The following HCN1 variants were observed in gnomAD, a reference collection of about 807,000 sequenced individuals.
The protein encoded by HCN1 is hyperpolarization activated cyclic nucleotide gated potassium channel 1, also known as potassium/sodium hyperpolarization-activated cyclic nucleotide-gated channel 1.
In HCN1, 13 loss-of-function variants were observed where a neutral mutation model predicts 78.9. That is an observed-to-expected ratio of 0.16 (90% confidence interval 0.11 to 0.26). The LOEUF is 0.26. Among genes scored for constraint, HCN1 ranks in the 10% least tolerant of loss-of-function variants. The pLI, the probability that HCN1 is intolerant of heterozygous loss-of-function variation, is 1.00. For synonymous variants in HCN1, 552 were observed against 455.5 expected (o/e 1.21, Z -2.70); for missense variants, 810 against 1,154.3 (o/e 0.70, Z 4.32).
chr5:45,442,020 TTGTC>T (rs1178475184), intron 3 of HCN1, among the ~76,000 whole-genome samples: 3 of 152,186 alleles, frequency 2.0e-5, no homozygotes, highest in African/African-American at 4.8e-5. Flanking sequence ...TGTCTGTTGT[TTGTC>T]TGTTGTGTCC....
rs531737228 is a variant in HCN1, at chr5:45,314,192, C to G, written c.1378-10353G>C. Among the ~76,000 whole-genome samples the G allele has an allele frequency of 1.5e-3, 229 of 152,250 alleles. 1 individual carries two copies. The highest frequency in any genetic ancestry group is 5.3e-3 in the African/African-American group (222 of 41,550). ...GGCAGAAACTCTACAAGCCAGAAGACAGTGAAGGCCCATATTCAACATTCT... is the reference window on the plus strand; with the variant it reads ...GGCAGAAACTCTACAAGCCAGAAGAGAGTGAAGGCCCATATTCAACATTCT... On this transcript the variant is annotated intron_variant, in intron 5 of 7. Coordinates refer to ENST00000303230, the MANE Select transcript of HCN1 (RefSeq NM_021072.4).
chr5:45,676,847 A>G (rs1580044826), intron 1 of HCN1, among the ~76,000 whole-genome samples: 2 of 151,936 alleles, frequency 1.3e-5, no homozygotes, highest in East Asian at 3.9e-4. Flanking sequence ...AGAAATGGAC[A>G]TGCAGTATTA....
chr5:45,315,526 C>T (rs1208710400), intron 5 of HCN1, among the ~76,000 whole-genome samples: 2 of 152,084 alleles, frequency 1.3e-5, no homozygotes, highest in African/African-American at 4.8e-5. Context: ...AGAGCAAACA[C>T]ATTCAAAAGC....
intron 2 of HCN1, among the ~76,000 whole-genome samples, chr5:45,549,960 A>C (rs1743329432): frequency 6.6e-6 from 1 of 152,212 alleles, no homozygotes; most frequent in Non-Finnish European, 1.5e-5. Context: ...ACCATCTCAC[A>C]CCAGTTAGAA....
chr5:45,282,376 TATTA>T (rs1162568488), intron 6 of HCN1, among the ~76,000 whole-genome samples: 3 of 152,198 alleles, frequency 2.0e-5, no homozygotes, highest in African/African-American at 4.8e-5. Flanking sequence ...CATTGAAAAG[TATTA>T]ATTCAAATTA....
intron 1 of HCN1, among the ~76,000 whole-genome samples, chr5:45,655,096 T>C (rs1745741337): frequency 6.6e-6 from 1 of 152,160 alleles, no homozygotes; most frequent in South Asian, 2.1e-4. Flanking sequence ...ATCAAACACG[T>C]AACTGTGCCC....
chr5:45,674,313 C>T (rs979092735), intron 1 of HCN1, among the ~76,000 whole-genome samples: 12 of 151,188 alleles, frequency 7.9e-5, no homozygotes, highest in Non-Finnish European at 1.6e-4. Context: ...TTTTAAGTGC[C>T]ACAGAACTCT....
At chr5:45,369,769 T>C (rs913379240) in intron 4 of HCN1, among the ~76,000 whole-genome samples, 5 of 152,162 alleles carry the variant, frequency 3.3e-5, no homozygotes, top group East Asian at 1.9e-4. Flanking sequence ...TTTTACTTGG[T>C]AAAGGAGTGT....
chr5:45,299,600 T>C (rs1273914580), intron 6 of HCN1, among the ~76,000 whole-genome samples: 1 of 151,874 alleles, frequency 6.6e-6, no homozygotes, highest in African/African-American at 2.4e-5. Context: ...GTACTCAGTA[T>C]TATGAACAAT....
At chr5:45,422,948 C>T (rs1464754966) in intron 3 of HCN1, among the ~76,000 whole-genome samples, 3 of 151,778 alleles carry the variant, frequency 2.0e-5, no homozygotes, top group Non-Finnish European at 2.9e-5. Flanking sequence ...TTAGATAGAA[C>T]GAATAAGATC....
At chr5:45,465,520 GC>G (rs1368636333) in intron 2 of HCN1, among the ~76,000 whole-genome samples, 1 of 152,102 alleles carries the variant, frequency 6.6e-6, no homozygotes, top group Non-Finnish European at 1.5e-5. Flanking sequence ...ACTGTGGGAG[GC>G]CGAGGTGGGT....
At chr5:45,631,972 T>TA (rs1745275820) in intron 2 of HCN1, among the ~76,000 whole-genome samples, 1 of 152,130 alleles carries the variant, frequency 6.6e-6, no homozygotes, top group African/African-American at 2.4e-5. Flanking sequence ...ATTAATCTGA[T>TA]ACGTTTGGTC....
At chr5:45,548,483 C>T (rs570329112) in intron 2 of HCN1, among the ~76,000 whole-genome samples, 10 of 151,860 alleles carry the variant, frequency 6.6e-5, no homozygotes, top group East Asian at 1.9e-4. Flanking sequence ...TAGGTACTCA[C>T]GGGACATATC....
At chr5:45,284,884 C>T (rs903214786) in intron 6 of HCN1, among the ~76,000 whole-genome samples, 1 of 152,014 alleles carries the variant, frequency 6.6e-6, no homozygotes, top group African/African-American at 2.4e-5. Flanking sequence ...CTTCCTCCTT[C>T]CTATGCACCA....
intron 2 of HCN1, among the ~76,000 whole-genome samples, chr5:45,549,153 G>T (rs1454762845): frequency 1.5e-4 from 22 of 151,014 alleles, no homozygotes; most frequent in African/African-American, 5.2e-4. Context: ...CTACTTTAAA[G>T]TTCATATGGA....
chr5:45,511,551 G>A (rs1742415519), intron 2 of HCN1, among the ~76,000 whole-genome samples: 2 of 152,020 alleles, frequency 1.3e-5, no homozygotes, highest in Admixed American at 1.3e-4. Flanking sequence ...TATTACTTCT[G>A]TGGCTTTTCT....
rs866652508 is a variant in HCN1 at position 45,374,790 on chromosome 5, A to G, written c.1231-21544T>C. Reference sequence around the variant, plus strand: ...TATGAATATATATATATATGTGTGTATATATATATATATAAAACCATATAT... The same window carrying G: ...TATGAATATATATATATATGTGTGTGTATATATATATATAAAACCATATAT... On this transcript the variant is annotated intron_variant, in intron 4 of 7. Transcript: ENST00000303230. Among the ~76,000 whole-genome samples the G allele has an allele frequency of 1.9e-4, 28 of 146,796 alleles. 1 individual carries two copies. Among genetic ancestry groups the G allele is most frequent in the South Asian group, 1.9e-3 (9 of 4,740 alleles).
intron 2 of HCN1, among the ~76,000 whole-genome samples, chr5:45,464,766 A>C (rs920264089): frequency 5.3e-5 from 8 of 152,082 alleles, no homozygotes; most frequent in Admixed American, 3.9e-4. Context: ...GGCAGGCATA[A>C]TCATTACATA....
At chr5:45,502,736 C>G (rs965732927) in intron 2 of HCN1, among the ~76,000 whole-genome samples, 2 of 152,048 alleles carry the variant, frequency 1.3e-5, no homozygotes, top group African/African-American at 4.8e-5. Flanking sequence ...ACTAATCACT[C>G]AACAAATGTT....
Sources: gnomAD v4.1 joint callset for allele counts (sites outside exome capture counted in the v4.1 genomes callset) on GRCh38, gnomAD v4.1.1 for gene constraint, MANE v1.5 for transcripts, NCBI Gene and HGNC (gene_info 2026-07-23, HGNC 2026-07-21) for gene names.